DNAH7: variants seen among roughly 807,000 people sequenced by gnomAD.
The protein encoded by DNAH7 is dynein axonemal heavy chain 7, also known as axonemal beta dynein heavy chain 7.
Under a neutral mutation model 444.6 loss-of-function variants are expected in DNAH7, and 397 were observed. The observed-to-expected ratio is 0.89, with a 90% CI of 0.82 to 0.97. The LOEUF is 0.97. Among genes scored for constraint, DNAH7 ranks in the 50% least tolerant of loss-of-function variants. DNAH7 has a pLI of 0.00. For synonymous variants in DNAH7, 1,636 were observed against 1,624.4 expected, an observed-to-expected ratio of 1.01 and a Z score of -0.17; for missense variants, 4,902 against 4,800.8, an observed-to-expected ratio of 1.02 and a Z score of -0.62.
At chr2:196,053,704 A>C (rs73044649) in intron 2 of DNAH7, among the ~76,000 whole-genome samples, 11,778 of 152,198 alleles carry the variant, frequency 0.077, 532 homozygotes, top group African/African-American at 0.12. Flanking sequence ...AACATTTTAA[A>C]GCCCCCTGTT....
intron 63 of DNAH7, among the ~76,000 whole-genome samples, chr2:195,742,008 T>C (rs981189186): frequency 2.6e-5 from 4 of 152,178 alleles, no homozygotes; most frequent in Admixed American, 6.5e-5. Context: ...CTTTCTCTTC[T>C]CTGGGTTTTA....
chr2:195,756,831 C>T lies in DNAH7; in HGVS notation c.11434-546G>A, dbSNP rs1026627. The stretch of plus-strand genomic sequence containing the variant: ...ACATGGCGAAACCTCACCTCCACAA[C>T]AAATACAAAAATTCGCTGGGTGTGG... On this transcript the variant is annotated intron_variant, in intron 61 of 64. Transcript: ENST00000312428. Among the ~76,000 whole-genome samples the T allele has an allele frequency of 0.019, 2,869 of 152,048 alleles. 219 individuals carry two copies. The East Asian group carries it at 0.25, about 14-fold the overall frequency.
chr2:196,005,455 T>C (rs1191244009), intron 10 of DNAH7, among the ~76,000 whole-genome samples: 2 of 151,864 alleles, frequency 1.3e-5, no homozygotes, highest in African/African-American at 4.8e-5. Context: ...ACAAAACTCA[T>C]GAACTTATAG....
At chr2:195,771,057 C>A (rs895311917) in intron 61 of DNAH7, among the ~76,000 whole-genome samples, 4 of 151,846 alleles carry the variant, frequency 2.6e-5, no homozygotes, top group Non-Finnish European at 5.9e-5. Flanking sequence ...GTTGGTGGCT[C>A]ACACCTATAG....
intron 19 of DNAH7, among the ~76,000 whole-genome samples, chr2:195,941,197 A>T (rs1189410904): frequency 6.6e-6 from 1 of 152,218 alleles, no homozygotes; most frequent in Non-Finnish European, 1.5e-5. Context: ...CAGCCATTTA[A>T]AAAATGAGTT....
chr2:195,925,311 C>A (rs1032792592), intron 22 of DNAH7, among the ~76,000 whole-genome samples: 1 of 152,140 alleles, frequency 6.6e-6, no homozygotes, highest in Non-Finnish European at 1.5e-5. Flanking sequence ...GGCTGCACGT[C>A]CCCTGGCGGG....
chr2:195,981,673 A>G (rs1692583292), intron 15 of DNAH7, among the ~76,000 whole-genome samples: 3 of 152,202 alleles, frequency 2.0e-5, no homozygotes, highest in Admixed American at 1.3e-4. Flanking sequence ...ATCTACAGTG[A>G]ACTCATTTTC....
intron 24 of DNAH7, 132 bp from the exon 25 acceptor site, chr2:195,910,327 T>C: frequency 1.4e-6 from 1 of 703,078 alleles, no homozygotes; most frequent in Non-Finnish European, 2.2e-6. Flanking sequence ...TCCTTCCCAG[T>C]AACCTCTGAA....
Position 195,876,684 on chromosome 2 carries a change from G to T in DNAH7, c.5977C>A (p.Gln1993Lys). ...GGTTTGTAGATTTCCTTATTTAGTTGATTTAAAAGAAAATTCTATATAACA... is the reference window on the plus strand; with the variant it reads ...GGTTTGTAGATTTCCTTATTTAGTTTATTTAAAAGAAAATTCTATATAACA... ...SVYITNFLLNQLNKEIYKPLL... is the reference protein window; with the variant it reads ...SVYITNFLLNKLNKEIYKPLL... The change falls in exon 37 of 65, where the codon CAA becomes AAA. Residue 1993 changes from glutamine (Q) to lysine (K), a missense_variant. Physicochemically the swap from Gln to Lys is moderately conservative, Grantham distance 53. Transcript: ENST00000312428. 6.3e-7 allele frequency: 1 copy of T among 1,585,576 alleles called. No homozygotes were observed. Among genetic ancestry groups the T allele is most frequent in the Non-Finnish European group, 8.6e-7 (1 of 1,160,016 alleles).
chr2:195,848,694 A>G (rs900610533), intron 46 of DNAH7, among the ~76,000 whole-genome samples: 1 of 152,204 alleles, frequency 6.6e-6, no homozygotes, highest in Non-Finnish European at 1.5e-5. Flanking sequence ...GGCAGTTTAT[A>G]TATGGTAAAT....
intron 20 of DNAH7, among the ~76,000 whole-genome samples, chr2:195,935,266 C>G (rs745556145): frequency 8.5e-5 from 13 of 152,182 alleles, no homozygotes; most frequent in Non-Finnish European, 1.5e-4. Flanking sequence ...ACTGCGTTGA[C>G]AGTATCCAAC....
At chr2:195,780,912 AG>A (rs1695342149) in intron 58 of DNAH7, among the ~76,000 whole-genome samples, 1 of 152,082 alleles carries the variant, frequency 6.6e-6, no homozygotes. Context: ...TCCCACTTTG[AG>A]CAAACCTTTC....
chr2:196,048,189 T>C, intron 4 of DNAH7, 107 bp downstream of exon 4: 1 of 961,136 alleles, frequency 1.0e-6, no homozygotes, highest in Non-Finnish European at 1.5e-6. Flanking sequence ...CTACTTGACA[T>C]TAATGTCATT....
intron 53 of DNAH7, among the ~76,000 whole-genome samples, chr2:195,808,312 C>T (rs1019309494): frequency 6.6e-6 from 1 of 152,158 alleles, no homozygotes; most frequent in African/African-American, 2.4e-5. Context: ...GACACACACA[C>T]AGAATTTTAT....
chr2:195,859,371 T>C (rs1471676123), intron 42 of DNAH7, among the ~76,000 whole-genome samples: 1 of 152,148 alleles, frequency 6.6e-6, no homozygotes, highest in East Asian at 1.9e-4. Flanking sequence ...TATAAAGTAA[T>C]AACAAATGAT....
chr2:195,928,414 C>G (rs1035293016), intron 21 of DNAH7, among the ~76,000 whole-genome samples: 2 of 152,128 alleles, frequency 1.3e-5, no homozygotes, highest in African/African-American at 2.4e-5. Context: ...ACTTATTACT[C>G]TATACTACAT....
rs1371983416 is a variant in DNAH7 at position 195,859,556 on chromosome 2, C to T, written c.7737-752G>A. ...ATAATGTCTCCAAGTAAAAAAATGA[C>T]ATGTTTTTAAAATCCCCTTCAAAAA... On this transcript the variant is annotated intron_variant, in intron 42 of 64. Coordinates refer to ENST00000312428, the MANE Select transcript of DNAH7 (RefSeq NM_018897.3). Among the ~76,000 whole-genome samples the T allele has an allele frequency of 5.3e-5, 8 of 152,112 alleles. No homozygotes were observed. The East Asian group carries it at 1.5e-3, about 29-fold the overall frequency.
intron 40 of DNAH7, among the ~76,000 whole-genome samples, chr2:195,871,145 G>A (rs1700662415): frequency 6.6e-6 from 1 of 152,116 alleles, no homozygotes; most frequent in Non-Finnish European, 1.5e-5. Context: ...GGATCTTCAC[G>A]TGGACATATA....
intron 8 of DNAH7, among the ~76,000 whole-genome samples, chr2:196,020,279 G>A (rs1034895590): frequency 2.6e-5 from 4 of 151,970 alleles, no homozygotes; most frequent in African/African-American, 7.3e-5. Flanking sequence ...ATTTAACCAC[G>A]TATAAAAATT....
Sources: gnomAD v4.1 joint callset for allele counts (sites outside exome capture counted in the v4.1 genomes callset) on GRCh38, gnomAD v4.1.1 for gene constraint, MANE v1.5 for transcripts, NCBI Gene and HGNC (gene_info 2026-07-23, HGNC 2026-07-21) for gene names.